CMSS1: variants seen among roughly 807,000 people sequenced by gnomAD.
CMSS1 encodes the protein cms1 ribosomal small subunit homolog.
A neutral mutation model predicts 43.5 loss-of-function variants in CMSS1; 33 were observed. The ratio of observed to expected loss-of-function variants is 0.76; its 90% CI spans 0.57 to 1.01. The LOEUF (loss-of-function observed/expected upper bound fraction) is 1.01. Ranked by LOEUF, CMSS1 falls within the 50% of genes least tolerant of loss-of-function variation. The pLI, the probability that CMSS1 is intolerant of heterozygous loss-of-function variation, is 0.00. For synonymous variants in CMSS1, 115 were observed against 117.2 expected (o/e 0.98, Z 0.12); for missense variants, 313 against 326.4 (o/e 0.96, Z 0.32).
intron 1 of CMSS1, among the ~76,000 whole-genome samples, chr3:99,882,260 T>A (rs1008623287): frequency 2.0e-5 from 3 of 152,246 alleles, no homozygotes; most frequent in Admixed American, 6.5e-5. Flanking sequence ...AAATTCTGCT[T>A]TGTCCATTAT....
At chr3:99,862,740 T>C (rs1292002250) in intron 1 of CMSS1, among the ~76,000 whole-genome samples, 2 of 152,210 alleles carry the variant, frequency 1.3e-5, no homozygotes, top group Non-Finnish European at 2.9e-5. Flanking sequence ...ATTCTTTGTG[T>C]TCGTTGTCTC....
chr3:100,065,197 C>G (rs2065643387), intron 1 of CMSS1, among the ~76,000 whole-genome samples: 1 of 152,186 alleles, frequency 6.6e-6, no homozygotes, highest in Non-Finnish European at 1.5e-5. Flanking sequence ...CCCAGACTTA[C>G]TGAATCTGAA....
intron 1 of CMSS1, among the ~76,000 whole-genome samples, chr3:100,024,752 G>A (rs1014639057): frequency 6.6e-6 from 1 of 152,126 alleles, no homozygotes; most frequent in Non-Finnish European, 1.5e-5. Flanking sequence ...AATTGGTTAA[G>A]TGGAGCTCAG....
chr3:99,978,433 C>T (rs1043531362), intron 1 of CMSS1, among the ~76,000 whole-genome samples: 1 of 152,136 alleles, frequency 6.6e-6, no homozygotes, highest in Admixed American at 6.5e-5. Context: ...TATATCTACA[C>T]AATGGAATAC....
chr3:99,938,575 C>G (rs1707761319), intron 1 of CMSS1, among the ~76,000 whole-genome samples: 1 of 152,144 alleles, frequency 6.6e-6, no homozygotes, highest in Non-Finnish European at 1.5e-5. Context: ...ACTTGCATTT[C>G]CCCCTATCTT....
intron 1 of CMSS1, among the ~76,000 whole-genome samples, chr3:99,979,403 A>G (rs1709057216): frequency 6.6e-6 from 1 of 152,208 alleles, no homozygotes; most frequent in Non-Finnish European, 1.5e-5. Context: ...GAATGATTCT[A>G]AAGATGTTAT....
At chr3:100,050,135 CG>C (rs2065345540) in intron 1 of CMSS1, among the ~76,000 whole-genome samples, 1 of 152,202 alleles carries the variant, frequency 6.6e-6, no homozygotes, top group African/African-American at 2.4e-5. Context: ...GGGTAGTGTT[CG>C]GGGGCAAATT....
At chr3:100,090,360 G>A (rs976385366) in intron 1 of CMSS1, among the ~76,000 whole-genome samples, 3 of 152,228 alleles carry the variant, frequency 2.0e-5, no homozygotes, top group Admixed American at 2.0e-4. Flanking sequence ...AGCTGGGAAT[G>A]CAAGCATGGG....
At chr3:100,163,885 T>C (rs1168682797) in intron 4 of CMSS1, among the ~76,000 whole-genome samples, 1 of 151,814 alleles carries the variant, frequency 6.6e-6, no homozygotes, top group Non-Finnish European at 1.5e-5. Flanking sequence ...AAGTAGAGGG[T>C]GGCTTGATTT....
intron 1 of CMSS1, among the ~76,000 whole-genome samples, chr3:100,082,564 G>T (rs2065948948): frequency 1.3e-5 from 2 of 152,174 alleles, no homozygotes; most frequent in South Asian, 4.1e-4. Flanking sequence ...CAGCTTTGAA[G>T]ACCCTAAACA....
intron 1 of CMSS1, among the ~76,000 whole-genome samples, chr3:100,091,474 C>T (rs901232008): frequency 2.6e-5 from 4 of 152,112 alleles, no homozygotes; most frequent in African/African-American, 9.7e-5. Flanking sequence ...CAAGAGCAGC[C>T]AGTTTTAAAG....
At chr3:99,827,830 C>T (rs1280518374) in intron 1 of CMSS1, among the ~76,000 whole-genome samples, 2 of 152,268 alleles carry the variant, frequency 1.3e-5, no homozygotes, top group South Asian at 4.1e-4. Context: ...GTCTCGAACT[C>T]CCAACCTCAG....
At chr3:99,858,689 C>T (rs1021431929) in intron 1 of CMSS1, among the ~76,000 whole-genome samples, 2 of 152,168 alleles carry the variant, frequency 1.3e-5, no homozygotes, top group Non-Finnish European at 2.9e-5. Flanking sequence ...AATCATCACA[C>T]GTCATGGAGC....
intron 1 of CMSS1, among the ~76,000 whole-genome samples, chr3:99,859,274 C>T (rs1051990978): frequency 6.6e-6 from 1 of 152,178 alleles, no homozygotes; most frequent in African/African-American, 2.4e-5. Context: ...TTTGTCAGTT[C>T]TTTTTTCCCC....
At chr3:99,865,396 G>A (rs753506990) in intron 1 of CMSS1, among the ~76,000 whole-genome samples, 3 of 152,068 alleles carry the variant, frequency 2.0e-5, no homozygotes, top group Non-Finnish European at 4.4e-5. Flanking sequence ...GTGAATTTGT[G>A]TGCTGTAATA....
At chr3:99,827,171 C>G (rs186169077) in intron 1 of CMSS1, among the ~76,000 whole-genome samples, 300 of 152,082 alleles carry the variant, frequency 2.0e-3, no homozygotes, top group African/African-American at 6.8e-3. Context: ...GTTGTCAATC[C>G]TTTTGTTAAA....
intron 1 of CMSS1, among the ~76,000 whole-genome samples, chr3:100,006,357 A>G (rs998242744): frequency 1.3e-5 from 2 of 152,144 alleles, no homozygotes; most frequent in Non-Finnish European, 2.9e-5. Flanking sequence ...TGGAATAGTT[A>G]GGTACTTCCT....
chr3:100,127,715 A>G (rs1167091179), intron 1 of CMSS1, among the ~76,000 whole-genome samples: 1 of 152,192 alleles, frequency 6.6e-6, no homozygotes, highest in Non-Finnish European at 1.5e-5. Context: ...CTCTTGACAA[A>G]GGAGTCTGTG....
At chr3:100,021,445 G>A (rs2064815483) in intron 1 of CMSS1, among the ~76,000 whole-genome samples, 2 of 152,096 alleles carry the variant, frequency 1.3e-5, no homozygotes, top group African/African-American at 4.8e-5. Context: ...GGGAGAGGAG[G>A]AACCCTTCCC....
Sources: gnomAD v4.1 joint callset for allele counts (sites outside exome capture counted in the v4.1 genomes callset) on GRCh38, gnomAD v4.1.1 for gene constraint, MANE v1.5 for transcripts, NCBI Gene and HGNC (gene_info 2026-07-23, HGNC 2026-07-21) for gene names.